The following ANKRD11 variants were observed in gnomAD, a reference collection of about 807,000 sequenced individuals.
ANKRD11 encodes ankyrin repeat domain 11.
In ANKRD11, 17 loss-of-function variants were observed where a neutral mutation model predicts 195.7. The ratio of observed to expected loss-of-function variants is 0.09; its 90% CI spans 0.06 to 0.13. The LOEUF (loss-of-function observed/expected upper bound fraction) is 0.13, where lower values mean the gene tolerates loss of function less well. ANKRD11 is among the 10% of genes least tolerant of loss of function. The pLI, the probability that ANKRD11 is intolerant of heterozygous loss-of-function variation, is 1.00. For missense variants in ANKRD11, 3,735 were observed against 3,566.1 expected (o/e 1.05, Z -1.21); for synonymous variants, 1,953 against 1,528.1 (o/e 1.28, Z -6.49).
chr16:89,464,897 T>C (rs1471692402), intron 1 of ANKRD11, among the ~76,000 whole-genome samples: 1 of 152,186 alleles, frequency 6.6e-6, no homozygotes, highest in East Asian at 1.9e-4. Context: ...AGTTCCAAGT[T>C]CATCTACTAT....
intron 1 of ANKRD11, among the ~76,000 whole-genome samples, chr16:89,470,062 C>A (rs578183218): frequency 2.0e-5 from 3 of 151,410 alleles, no homozygotes; most frequent in South Asian, 2.1e-4. Context: ...CCCGCCACCA[C>A]GCCCGGCTAA....
rs1324786312 is a variant in ANKRD11, at chr16:89,283,221, TTTC to T, written c.3318_3320del (p.Lys1107del). On this transcript the variant is annotated inframe_deletion, in exon 9 of 13. Coordinates refer to ENST00000301030, the MANE Select transcript of ANKRD11 (RefSeq NM_013275.6). The surrounding 1 kb of genome is among the most constrained non-coding windows in gnomAD (Gnocchi z 4.3). Reference sequence around the variant, plus strand: ...CGATGTACCAGCTTTTCTCTTTGCCTTTCTTGTCATCTTTTTTTTCAGAGAAGT... The same window carrying T: ...CGATGTACCAGCTTTTCTCTTTGCCTTTGTCATCTTTTTTTTCAGAGAAGT... 1.9e-6 allele frequency: 3 copies of T among 1,614,084 alleles called. No homozygotes were observed.
In ANKRD11 at chr16:89,280,806, G is replaced by A. The variant is rs765117665; in HGVS notation, c.5736C>T (p.Asp1912=). 1 of 1,606,918 alleles carries A rather than the reference G, an allele frequency of 6.2e-7. No individual in the cohort carries two copies. The highest frequency in any genetic ancestry group is 2.2e-5 in the East Asian group (1 of 44,640). ...SLEGALPPDL[D]TSEDQQATAA... ...CCGTCGCCTGCTGGTCCTCGGAGGT[G>A]TCCAGGTCCGGGGGAAGGGCCCCTT... The change falls in exon 9 of 13, where the codon GAC becomes GAT. Residue 1912 remains aspartate (D), a synonymous_variant. Coordinates refer to ENST00000301030, the MANE Select transcript of ANKRD11 (RefSeq NM_013275.6).
chr16:89,419,719 G>C (rs990808037), intron 1 of ANKRD11, among the ~76,000 whole-genome samples: 1 of 152,194 alleles, frequency 6.6e-6, no homozygotes, highest in Admixed American at 6.5e-5. Context: ...TAGCATCCGA[G>C]AGAATCGCGT....
Position 89,280,536 on chromosome 16 carries a change from A to G in ANKRD11, c.6006T>C (p.Ser2002=), listed in dbSNP as rs1170877791. 2 of 1,612,332 alleles carry G rather than the reference A, an allele frequency of 1.2e-6. No individual in the cohort carries two copies. The highest frequency in any genetic ancestry group is 1.3e-5 in the African/African-American group (1 of 74,966). Residue 2002 remains serine (S), a synonymous_variant, in exon 9 of 13, where the codon TCT becomes TCC. Coordinates refer to ENST00000301030, the MANE Select transcript of ANKRD11 (RefSeq NM_013275.6). ...AGGCGCTGAAGGGCCCTGGGGCGGC[A>G]GAGTGGAGGGGGTCCGCGGGGCAGA... ...KRFCPADPLH[S]AAPGPFSASE... is the part of the protein sequence containing the mutation.
intron 12 of ANKRD11, among the ~76,000 whole-genome samples, chr16:89,269,626 T>C (rs1446700615): frequency 6.6e-6 from 1 of 151,922 alleles, no homozygotes; most frequent in East Asian, 1.9e-4. Flanking sequence ...TCCCTAAGGT[T>C]TTTTTTTAAA....
chr16:89,277,529 C>G (rs1420313336), intron 9 of ANKRD11: 1 of 152,246 alleles, frequency 6.6e-6, no homozygotes, highest in Non-Finnish European at 1.5e-5. Flanking sequence ...AACAAAACAA[C>G]AAAAAGCACA....
At chr16:89,374,343 AAATAAT>A (rs927058066) in intron 2 of ANKRD11, among the ~76,000 whole-genome samples, 7 of 151,090 alleles carry the variant, frequency 4.6e-5, no homozygotes, top group Admixed American at 6.6e-5. Context: ...TTTGTAAAAA[AAATAAT>A]AATAATAATA....
chr16:89,351,585 G>C (rs889724560), intron 2 of ANKRD11, among the ~76,000 whole-genome samples: 2 of 152,218 alleles, frequency 1.3e-5, no homozygotes, highest in Non-Finnish European at 2.9e-5. Flanking sequence ...TGGAGACGAA[G>C]CTTCTCTCTG....
chr16:89,298,199 A>G (rs775191234), intron 4 of ANKRD11: 3 of 152,314 alleles, frequency 2.0e-5, no homozygotes, highest in African/African-American at 4.8e-5. Context: ...GAAGGAAGCA[A>G]TGTCGGCAAA....
At chr16:89,292,063 T>C (rs2035096156) in intron 4 of ANKRD11, among the ~76,000 whole-genome samples, 1 of 152,126 alleles carries the variant, frequency 6.6e-6, no homozygotes, top group South Asian at 2.1e-4. Context: ...CACCTCTGAA[T>C]CCTCCTCCAG....
intron 3 of ANKRD11, among the ~76,000 whole-genome samples, chr16:89,314,613 C>T (rs1172645398): frequency 6.6e-6 from 1 of 152,204 alleles, no homozygotes; most frequent in Non-Finnish European, 1.5e-5. Context: ...CCACCACGCC[C>T]AGCCTGCTGG....
At chr16:89,366,325 A>C (rs1166944769) in intron 2 of ANKRD11, among the ~76,000 whole-genome samples, 5 of 152,070 alleles carry the variant, frequency 3.3e-5, no homozygotes, top group Admixed American at 2.6e-4. Flanking sequence ...AATGGTTTCT[A>C]TTCCTCTGGG....
intron 11 of ANKRD11, chr16:89,271,268 T>G (rs2033128990): frequency 2.9e-6 from 1 of 347,198 alleles, no homozygotes; most frequent in South Asian, 2.3e-5. Flanking sequence ...AGACAGAGTT[T>G]CGCTTGTTGC....
chr16:89,287,111 G>T, intron 7 of ANKRD11: 3 of 1,289,766 alleles, frequency 2.3e-6, no homozygotes, highest in Non-Finnish European at 3.0e-6. Flanking sequence ...TCCATCATGG[G>T]GGCTGCTGGC....
intron 2 of ANKRD11, among the ~76,000 whole-genome samples, chr16:89,398,131 A>T (rs554171994): frequency 6.6e-6 from 1 of 150,956 alleles, no homozygotes; most frequent in Non-Finnish European, 1.5e-5. Flanking sequence ...CAAGAGGGAC[A>T]CTGTGAAACA....
At chr16:89,326,896 G>A (rs1399512968) in intron 2 of ANKRD11, among the ~76,000 whole-genome samples, 2 of 152,202 alleles carry the variant, frequency 1.3e-5, no homozygotes, top group Non-Finnish European at 1.5e-5. Flanking sequence ...TCTGCACGTG[G>A]GGCTGACAGG....
intron 1 of ANKRD11, among the ~76,000 whole-genome samples, chr16:89,456,106 G>A (rs2056422462): frequency 6.6e-6 from 1 of 152,018 alleles, no homozygotes; most frequent in East Asian, 1.9e-4. Flanking sequence ...CTGGTGTGGT[G>A]GCGTGCACCT....
chr16:89,461,800 T>G (rs2056679828), intron 1 of ANKRD11, among the ~76,000 whole-genome samples: 1 of 152,212 alleles, frequency 6.6e-6, no homozygotes, highest in South Asian at 2.1e-4. Flanking sequence ...GTCATTCCCA[T>G]TAAAACATTA....
Sources: gnomAD v4.1 joint callset for allele counts (sites outside exome capture counted in the v4.1 genomes callset) on GRCh38, gnomAD v4.1.1 for gene constraint, Gnocchi (gnomAD v3.1) non-coding constraint, MANE v1.5 for transcripts, NCBI Gene and HGNC (gene_info 2026-07-23, HGNC 2026-07-21) for gene names.